Variants in CHCHD6 observed in about 807,000 individuals in gnomAD.
CHCHD6 encodes MICOS complex subunit MIC25.
CHCHD6 carries 28 observed loss-of-function variants against 32.3 expected under a neutral mutation model. The observed-to-expected ratio is 0.87, with a 90% confidence interval of 0.64 to 1.19. The LOEUF is 1.19. Among genes scored for constraint, CHCHD6 ranks in the 50% most tolerant of loss-of-function variants. The probability of loss-of-function intolerance (pLI) is 0.00; values close to 1 mark genes in which losing one functional copy is unlikely to be tolerated. For missense variants in CHCHD6, 333 were observed against 307.0 expected (o/e 1.08, Z -0.63); for synonymous variants, 122 against 117.5 (o/e 1.04, Z -0.25).
chr3:126,835,065 G>A lies in CHCHD6; in HGVS notation c.412-17582G>A, dbSNP rs557440896. Among the ~76,000 whole-genome samples, 273 of 152,236 alleles carry A rather than the reference G, an allele frequency of 1.8e-3. 2 individuals are homozygous for A. The highest frequency in any genetic ancestry group is 6.2e-3 in the Admixed American group (95 of 15,300). Reference sequence around the variant, plus strand: ...TATCCATTCTCCAGAGAAGTAGCCCGGGTGGGAGATCCTAGATGGATCCAC... The same window carrying A: ...TATCCATTCTCCAGAGAAGTAGCCCAGGTGGGAGATCCTAGATGGATCCAC... On this transcript the variant is annotated intron_variant, in intron 4 of 7. Coordinates refer to ENST00000290913, the MANE Select transcript of CHCHD6 (RefSeq NM_032343.3).
chr3:126,713,130 C>T (rs1360183526), intron 1 of CHCHD6, among the ~76,000 whole-genome samples: 1 of 152,204 alleles, frequency 6.6e-6, no homozygotes, highest in African/African-American at 2.4e-5. Context: ...TAGCTTGCTT[C>T]CCACAAATCT....
intron 6 of CHCHD6, among the ~76,000 whole-genome samples, chr3:126,920,244 G>A (rs969032913): frequency 7.1e-6 from 1 of 139,970 alleles, no homozygotes; most frequent in African/African-American, 2.6e-5. Flanking sequence ...CCAGTCTTTG[G>A]TGAAATTCTA....
intron 5 of CHCHD6, among the ~76,000 whole-genome samples, chr3:126,884,207 G>C (rs1243190515): frequency 1.3e-5 from 2 of 152,172 alleles, no homozygotes; most frequent in Non-Finnish European, 2.9e-5. Context: ...TAGACTCTAT[G>C]AAAGCACTTG....
At chr3:126,756,530 G>A (rs957693181) in intron 4 of CHCHD6, among the ~76,000 whole-genome samples, 1 of 152,144 alleles carries the variant, frequency 6.6e-6, no homozygotes, top group African/African-American at 2.4e-5. Context: ...TTTCAGGATT[G>A]CCTCCCTTTA....
At chr3:126,879,110 A>G (rs1171994556) in intron 5 of CHCHD6, among the ~76,000 whole-genome samples, 2 of 152,180 alleles carry the variant, frequency 1.3e-5, no homozygotes, top group African/African-American at 4.8e-5. Flanking sequence ...TAGATTCCAA[A>G]AGCATGTAGG....
chr3:126,803,395 A>G (rs1404172296), intron 4 of CHCHD6, among the ~76,000 whole-genome samples: 2 of 152,170 alleles, frequency 1.3e-5, no homozygotes, highest in Non-Finnish European at 1.5e-5. Context: ...GGAAAACAAA[A>G]AAAGGCAGGG....
At chr3:126,907,265 T>C (rs1338066816) in intron 5 of CHCHD6, among the ~76,000 whole-genome samples, 1 of 152,092 alleles carries the variant, frequency 6.6e-6, no homozygotes, top group Non-Finnish European at 1.5e-5. Flanking sequence ...TTGGGGTAAG[T>C]GAAGAACAAG....
intron 4 of CHCHD6, among the ~76,000 whole-genome samples, chr3:126,848,215 A>G (rs1174043787): frequency 6.6e-6 from 1 of 152,108 alleles, no homozygotes; most frequent in East Asian, 1.9e-4. Context: ...GACTCAAGCA[A>G]TCCTCCCGAC....
At chr3:126,896,029 G>C (rs2077833770) in intron 5 of CHCHD6, among the ~76,000 whole-genome samples, 1 of 152,174 alleles carries the variant, frequency 6.6e-6, no homozygotes, top group Admixed American at 6.5e-5. Context: ...GTGCCCCCAG[G>C]GTTGCCTATT....
At chr3:126,845,336 T>C (rs1941256878) in intron 4 of CHCHD6, among the ~76,000 whole-genome samples, 1 of 152,248 alleles carries the variant, frequency 6.6e-6, no homozygotes, top group Non-Finnish European at 1.5e-5. Context: ...ATTTGTGCTT[T>C]TTAGATTACT....
At chr3:126,796,401 T>A (rs1220402572) in intron 4 of CHCHD6, among the ~76,000 whole-genome samples, 4 of 152,188 alleles carry the variant, frequency 2.6e-5, no homozygotes. Context: ...CAAATGAAGG[T>A]TCTTTTCCCC....
At chr3:126,904,388 C>T (rs902328122) in intron 5 of CHCHD6, among the ~76,000 whole-genome samples, 1 of 152,226 alleles carries the variant, frequency 6.6e-6, no homozygotes, top group African/African-American at 2.4e-5. Context: ...GTCTTGGCCA[C>T]TTGCAGTGAG....
intron 1 of CHCHD6, among the ~76,000 whole-genome samples, chr3:126,710,066 T>C (rs1934680460): frequency 6.6e-6 from 1 of 152,246 alleles, no homozygotes; most frequent in Non-Finnish European, 1.5e-5. Flanking sequence ...GTTTTGACTG[T>C]GTTCCAGTAA....
At chr3:126,719,226 C>T (rs552690304) in intron 1 of CHCHD6, among the ~76,000 whole-genome samples, 5 of 152,330 alleles carry the variant, frequency 3.3e-5, no homozygotes, top group Admixed American at 1.3e-4. Context: ...GTGGGGCCCT[C>T]GGACATGCCA....
chr3:126,796,684 G>C (rs551904580), intron 4 of CHCHD6, among the ~76,000 whole-genome samples: 24 of 152,250 alleles, frequency 1.6e-4, no homozygotes, highest in African/African-American at 5.8e-4. Context: ...TGTGTGATTT[G>C]AACAATGGAA....
chr3:126,871,224 G>A (rs933142228), intron 5 of CHCHD6, among the ~76,000 whole-genome samples: 1 of 152,058 alleles, frequency 6.6e-6, no homozygotes, highest in Non-Finnish European at 1.5e-5. Context: ...CCCAGTATGG[G>A]CCTATCCCTT....
chr3:126,764,621 C>T (rs1484628123), intron 4 of CHCHD6, among the ~76,000 whole-genome samples: 3 of 152,192 alleles, frequency 2.0e-5, no homozygotes, highest in Non-Finnish European at 4.4e-5. Context: ...AGTGCAGCTC[C>T]GCCCAGGGCG....
At chr3:126,950,804 T>C (rs575320437) in intron 6 of CHCHD6, among the ~76,000 whole-genome samples, 3 of 152,198 alleles carry the variant, frequency 2.0e-5, no homozygotes, top group Non-Finnish European at 4.4e-5. Context: ...ATGGCTATGA[T>C]GTGAAGGAGA....
At chr3:126,749,771 G>A (rs1042124802) in intron 4 of CHCHD6, among the ~76,000 whole-genome samples, 1 of 152,164 alleles carries the variant, frequency 6.6e-6, no homozygotes, top group Non-Finnish European at 1.5e-5. Context: ...ACCAGAACTG[G>A]GCTCCATCAT....
Sources: gnomAD v4.1 joint callset for allele counts (sites outside exome capture counted in the v4.1 genomes callset) on GRCh38, gnomAD v4.1.1 for gene constraint, MANE v1.5 for transcripts, NCBI Gene and HGNC (gene_info 2026-07-23, HGNC 2026-07-21) for gene names.